The following CTNND2 variants were observed in gnomAD, a reference collection of about 807,000 sequenced individuals.
The protein encoded by CTNND2 is catenin delta 2, also known as catenin delta-2.
In CTNND2, 22 loss-of-function variants were observed where a neutral mutation model predicts 144.4. The ratio of observed to expected loss-of-function variants is 0.15; its 90% CI spans 0.11 to 0.22. CTNND2 has a LOEUF of 0.22. Ranked by LOEUF, CTNND2 falls within the 10% of genes least tolerant of loss-of-function variation. The pLI, the probability that CTNND2 is intolerant of heterozygous loss-of-function variation, is 1.00. For synonymous variants in CTNND2, 751 were observed against 695.6 expected, an observed-to-expected ratio of 1.08 and a Z score of -1.25; for missense variants, 1,353 against 1,618.8, an observed-to-expected ratio of 0.84 and a Z score of 2.82.
chr5:11,247,267 C>T (rs539844696), intron 9 of CTNND2, among the ~76,000 whole-genome samples: 5 of 152,208 alleles, frequency 3.3e-5, no homozygotes, highest in African/African-American at 7.2e-5. Context: ...TTGAGAAGCA[C>T]GGGCAGTCTG....
intron 9 of CTNND2, among the ~76,000 whole-genome samples, chr5:11,248,418 GATATT>G (rs1743231550): frequency 6.6e-6 from 1 of 151,688 alleles, no homozygotes; most frequent in African/African-American, 2.4e-5. Context: ...ATAGTGTGTA[GATATT>G]ATATATGTAT....
intron 1 of CTNND2, among the ~76,000 whole-genome samples, chr5:11,794,505 T>C (rs1466358585): frequency 2.0e-5 from 3 of 152,218 alleles, no homozygotes; most frequent in South Asian, 2.1e-4. Context: ...TGTCAATTTG[T>C]GTTTTTCTCT....
rs141200599 is a variant in CTNND2, at chr5:11,519,987, T to TA, written c.287+44956dup. 5.6e-3 allele frequency among the ~76,000 whole-genome samples: 796 copies of TA among 141,708 alleles called. 4 individuals carry two copies. Among genetic ancestry groups the TA allele is most frequent in the East Asian group, 0.018 (85 of 4,780 alleles). The allele number at this position is 141,708 out of a possible 152,430, so 93.0% of individuals were successfully genotyped here. On this transcript the variant is annotated intron_variant, in intron 3 of 21. Transcript: ENST00000304623. The stretch of plus-strand genomic sequence containing the variant: ...AACCCCATTTCTACTAAAAATAGAA[T>TA]AAAAAAAAAAACAGCTGGGCGTGGT...
intron 12 of CTNND2, among the ~76,000 whole-genome samples, chr5:11,148,833 T>G (rs1282348956): frequency 6.6e-6 from 1 of 152,214 alleles, no homozygotes; most frequent in East Asian, 1.9e-4. Context: ...TGGGAAATCC[T>G]AAGAAGCCCT....
At chr5:11,548,971 T>TA (rs1480383950) in intron 3 of CTNND2, among the ~76,000 whole-genome samples, 1 of 152,232 alleles carries the variant, frequency 6.6e-6, no homozygotes, top group African/African-American at 2.4e-5. Context: ...AGTTGAAGCT[T>TA]AAAATGCACT....
chr5:11,629,665 T>G (rs1781323324), intron 2 of CTNND2, among the ~76,000 whole-genome samples: 1 of 152,162 alleles, frequency 6.6e-6, no homozygotes, highest in Non-Finnish European at 1.5e-5. Context: ...CAAGTTCATT[T>G]CTTATTTTAT....
chr5:11,030,754 GTTT>G (rs61312361), intron 16 of CTNND2, among the ~76,000 whole-genome samples: 3 of 100,770 alleles, frequency 3.0e-5, no homozygotes, highest in Admixed American at 9.8e-5. Context: ...TATGGTTTCT[GTTT>G]TTTTTTTTTT....
intron 17 of CTNND2, among the ~76,000 whole-genome samples, 157 bp from the exon 18 acceptor site, chr5:11,018,215 A>G (rs1423401536): frequency 6.6e-6 from 1 of 152,092 alleles, no homozygotes; most frequent in East Asian, 1.9e-4. Flanking sequence ...ATTGTTTTGG[A>G]GCACCACGAA....
At chr5:11,838,040 CT>C (rs1226704113) in intron 1 of CTNND2, among the ~76,000 whole-genome samples, 1 of 152,196 alleles carries the variant, frequency 6.6e-6, no homozygotes, top group Non-Finnish European at 1.5e-5. Context: ...TGACTCCAGT[CT>C]TGTGCTCTGC....
At chr5:11,838,399 T>C (rs892495463) in intron 1 of CTNND2, among the ~76,000 whole-genome samples, 2 of 152,102 alleles carry the variant, frequency 1.3e-5, no homozygotes, top group African/African-American at 2.4e-5. Flanking sequence ...TGTTCCAGAG[T>C]AGTGGTTCTC....
chr5:11,223,049 G>A (rs1298791283), intron 10 of CTNND2, among the ~76,000 whole-genome samples: 1 of 152,154 alleles, frequency 6.6e-6, no homozygotes, highest in Non-Finnish European at 1.5e-5. Flanking sequence ...ATGTCTGTGG[G>A]CCATCTCTGC....
At chr5:11,216,256 C>T (rs982864269) in intron 10 of CTNND2, among the ~76,000 whole-genome samples, 11 of 152,138 alleles carry the variant, frequency 7.2e-5, no homozygotes, top group African/African-American at 2.2e-4. Context: ...GTCAATGTCC[C>T]GATGCCTGAA....
intron 12 of CTNND2, among the ~76,000 whole-genome samples, chr5:11,130,840 G>A (rs1429394498): frequency 6.6e-6 from 1 of 152,070 alleles, no homozygotes; most frequent in Non-Finnish European, 1.5e-5. Context: ...CTCCCACAAT[G>A]TTTTACTCTG....
At chr5:11,241,215 C>T (rs1012158708) in intron 9 of CTNND2, among the ~76,000 whole-genome samples, 1 of 152,198 alleles carries the variant, frequency 6.6e-6, no homozygotes, top group Non-Finnish European at 1.5e-5. Context: ...ACCTGAGCAG[C>T]CTTCTCTATG....
In CTNND2 at chr5:11,384,569, G is replaced by T; in HGVS notation, c.1177+96C>A. ...TGCAACTACTACAACCTGGCAGACA[G>T]CGCGCCCGGCTTCGCTTCTGCTCAA... On this transcript the variant is annotated intron_variant, in intron 7 of 21. Coordinates refer to ENST00000304623, the MANE Select transcript of CTNND2 (RefSeq NM_001332.4). The surrounding 1 kb of genome is among the most constrained non-coding windows in gnomAD (Gnocchi z 5.2). The T allele has an allele frequency of 8.5e-7, 1 of 1,180,370 alleles. No homozygotes were observed. The highest frequency in any genetic ancestry group is 1.2e-6 in the Non-Finnish European group (1 of 859,582). The allele number at this position is 1,180,370 out of a possible 1,614,324, so 73.1% of individuals were successfully genotyped here.
chr5:11,415,787 C>G (rs1242167799), intron 3 of CTNND2, among the ~76,000 whole-genome samples: 1 of 152,104 alleles, frequency 6.6e-6, no homozygotes, highest in East Asian at 1.9e-4. Flanking sequence ...GCTTAGCTCC[C>G]TTGCACATAG....
intron 1 of CTNND2, among the ~76,000 whole-genome samples, chr5:11,768,438 C>T (rs1322071741): frequency 1.3e-5 from 2 of 152,138 alleles, no homozygotes; most frequent in Non-Finnish European, 2.9e-5. Flanking sequence ...TACAGGCATG[C>T]ACCACCTTAC....
At chr5:11,259,183 T>C (rs1277408696) in intron 9 of CTNND2, among the ~76,000 whole-genome samples, 1 of 152,198 alleles carries the variant, frequency 6.6e-6, no homozygotes, top group Admixed American at 6.5e-5. Flanking sequence ...GTTTCCAGCC[T>C]GATGGTCTGC....
At position 11,074,710 on chromosome 5, in the gene CTNND2, A is replaced by G. The variant is rs914943862; in HGVS notation, c.2788+7986T>C. ...TTCTCCAAAGGAAAAAACATTTCTC[A>G]CTAAGTAAAGACCTGGCATGGAGGA... On this transcript the variant is annotated intron_variant, in intron 16 of 21. Coordinates refer to ENST00000304623, the MANE Select transcript of CTNND2 (RefSeq NM_001332.4). Among the ~76,000 whole-genome samples the G allele has an allele frequency of 2.0e-5, 3 of 152,278 alleles. No individual in the cohort carries two copies. In the South Asian group the frequency reaches 6.2e-4, roughly 32 times the overall value.
Sources: allele counts gnomAD v4.1 joint callset (sites outside exome capture counted in the v4.1 genomes callset), GRCh38; gene constraint gnomAD v4.1.1; non-coding constraint Gnocchi (gnomAD v3.1); transcripts MANE v1.5; gene names NCBI Gene and HGNC (gene_info 2026-07-23, HGNC 2026-07-21).